SYBU: variants seen among roughly 807,000 people sequenced by gnomAD.
SYBU encodes the protein GOLSYN A protein.
Under a neutral mutation model 35.9 loss-of-function variants are expected in SYBU, and 21 were observed. The observed-to-expected ratio is 0.58, with a 90% confidence interval of 0.41 to 0.84. The LOEUF is 0.84. Among genes scored for constraint, SYBU ranks in the 40% least tolerant of loss-of-function variants. The pLI, the probability that SYBU is intolerant of heterozygous loss-of-function variation, is 0.00. For synonymous variants in SYBU, 319 were observed against 324.3 expected (o/e 0.98, Z 0.18); for missense variants, 768 against 848.2 (o/e 0.91, Z 1.17).
Position 109,574,812 on chromosome 8 carries a change from A to G in SYBU, c.*94T>C. On this transcript the variant is annotated 3_prime_UTR_variant, in exon 7 of 7. Coordinates refer to ENST00000276646, the MANE Select transcript of SYBU (RefSeq NM_001099754.2). ...ATCAAATACCAAGGAGCAAAACGAC[A>G]GAATAGAGACTGTCACAGATGATTG... The G allele has an allele frequency of 7.3e-7, 1 of 1,368,742 alleles. No individual in the cohort carries two copies. Among genetic ancestry groups the G allele is most frequent in the Non-Finnish European group, 9.8e-7 (1 of 1,017,906 alleles). 84.8% of individuals were successfully genotyped at this position (1,368,742 alleles called of 1,614,324 possible).
intron 3 of SYBU, among the ~76,000 whole-genome samples, chr8:109,612,396 C>T (rs556140757): frequency 9.9e-5 from 15 of 152,166 alleles, no homozygotes; most frequent in African/African-American, 3.1e-4. Context: ...ATTTGAGGCT[C>T]GGGTTTGCTG....
At chr8:109,687,121 CT>C (rs1563781752) in intron 1 of SYBU, among the ~76,000 whole-genome samples, 1 of 152,082 alleles carries the variant, frequency 6.6e-6, no homozygotes, top group Non-Finnish European at 1.5e-5. Flanking sequence ...TAATTTTGAA[CT>C]ATGGCTTACC....
chr8:109,683,489 C>T (rs1429965683), upstream of SYBU, among the ~76,000 whole-genome samples: 1 of 152,202 alleles, frequency 6.6e-6, no homozygotes, highest in African/African-American at 2.4e-5. Context: ...AATGCCTGTA[C>T]CCCCATTGTA....
At chr8:109,679,805 T>G (rs1015744360) in intron 1 of SYBU, among the ~76,000 whole-genome samples, 2 of 152,188 alleles carry the variant, frequency 1.3e-5, no homozygotes, top group Non-Finnish European at 2.9e-5. Flanking sequence ...CCAACAACCT[T>G]TCCCCTCTTG....
chr8:109,640,991 A>T (rs563952193), intron 2 of SYBU, among the ~76,000 whole-genome samples: 2 of 152,308 alleles, frequency 1.3e-5, no homozygotes, highest in South Asian at 2.1e-4. Context: ...CTGCTAAATT[A>T]GAGCATTAAT....
chr8:109,678,399 T>C lies in SYBU; in HGVS notation c.-129+2312A>G, dbSNP rs1278224455. ...GATAATGTACTACTTGATATTGCTG[T>C]CTGGGGGTGGGGTGGAAGAGCAGTT... is the stretch of plus-strand genomic sequence containing the variant. On this transcript the variant is annotated intron_variant, in intron 1 of 5. Coordinates refer to the SYBU transcript ENST00000408889. Among the ~76,000 whole-genome samples the C allele has an allele frequency of 4.6e-5, 7 of 150,898 alleles. No homozygotes were observed. In the South Asian group the frequency reaches 1.3e-3, roughly 27 times the overall value.
intron 2 of SYBU, among the ~76,000 whole-genome samples, chr8:109,633,608 T>C (rs556063870): frequency 5.1e-4 from 77 of 152,302 alleles, no homozygotes; most frequent in Non-Finnish European, 9.3e-4. Flanking sequence ...TCTGCTCTAG[T>C]CAGTGGGAAG....
chr8:109,596,870 A>C (rs938514875), intron 3 of SYBU, among the ~76,000 whole-genome samples: 1 of 152,212 alleles, frequency 6.6e-6, no homozygotes, highest in Non-Finnish European at 1.5e-5. Flanking sequence ...ACTCTTAATA[A>C]TGTATTCCAT....
intron 1 of SYBU, among the ~76,000 whole-genome samples, chr8:109,674,274 G>A (rs1183621497): frequency 2.6e-5 from 4 of 151,170 alleles, no homozygotes; most frequent in Non-Finnish European, 4.4e-5. Flanking sequence ...AATTTTAAGG[G>A]CAGCCCAAGA....
chr8:109,642,698 G>C, intron 2 of SYBU, 30 bp downstream of exon 2: 1 of 1,509,082 alleles, frequency 6.6e-7, no homozygotes, highest in South Asian at 1.3e-5. Context: ...CACGCTTCAC[G>C]CCTCTGGTGG....
chr8:109,577,990 A>G lies in SYBU; in HGVS notation c.762T>C (p.Gly254=). The change falls in exon 6 of 7, where the codon GGT becomes GGC. Residue 254 remains glycine (G), a synonymous_variant. Coordinates refer to ENST00000276646, the MANE Select transcript of SYBU (RefSeq NM_001099754.2). The part of the protein sequence containing the change: ...MRRSGRYMSC[G]ENHGVRPPNP... ...TTGGGGGTCTGACACCATGATTTTC[A>G]CCGCAAGACATGTACCTTCCAGAAC... The G allele has an allele frequency of 1.2e-6, 2 of 1,613,522 alleles. No individual in the cohort carries two copies. Among genetic ancestry groups the G allele is most frequent in the Non-Finnish European group, 1.7e-6 (2 of 1,179,784 alleles).
intron 1 of SYBU, among the ~76,000 whole-genome samples, chr8:109,671,341 G>A (rs867103435): frequency 1.5e-4 from 23 of 152,094 alleles, no homozygotes; most frequent in African/African-American, 4.8e-4. Flanking sequence ...TGCCATTAGA[G>A]ATAGAAGGAG....
At chr8:109,663,555 T>C (rs927616068) in intron 1 of SYBU, among the ~76,000 whole-genome samples, 9 of 152,178 alleles carry the variant, frequency 5.9e-5, no homozygotes, top group African/African-American at 2.2e-4. Flanking sequence ...AAATAAATCA[T>C]AGTTAACATA....
intron 2 of SYBU, among the ~76,000 whole-genome samples, chr8:109,619,698 G>A (rs1812217876): frequency 6.6e-6 from 1 of 152,190 alleles, no homozygotes; most frequent in Admixed American, 6.5e-5. Context: ...TCTTTAGGGT[G>A]AACTCTTCAG....
At chr8:109,664,809 G>A (rs957496213) in intron 1 of SYBU, among the ~76,000 whole-genome samples, 3 of 152,130 alleles carry the variant, frequency 2.0e-5, no homozygotes, top group African/African-American at 7.2e-5. Flanking sequence ...ACCTGCTAGG[G>A]AAGTAGAAGG....
At chr8:109,689,419 C>T (rs1348015824) in intron 1 of SYBU, among the ~76,000 whole-genome samples, 1 of 152,172 alleles carries the variant, frequency 6.6e-6, no homozygotes, top group South Asian at 2.1e-4. Context: ...GCACCCTGGG[C>T]TCAAGCAATC....
chr8:109,686,397 T>C (rs1817520148), intron 1 of SYBU, among the ~76,000 whole-genome samples: 1 of 152,196 alleles, frequency 6.6e-6, no homozygotes. Context: ...CCTTCTCTCT[T>C]GTGGAAAAAC....
chr8:109,677,548 C>T (rs999798596), intron 1 of SYBU, among the ~76,000 whole-genome samples: 1 of 152,168 alleles, frequency 6.6e-6, no homozygotes, highest in African/African-American at 2.4e-5. Flanking sequence ...TTTCTCTACT[C>T]ATTGCCTTAA....
chr8:109,583,024 G>C (rs1222400263), intron 4 of SYBU, among the ~76,000 whole-genome samples: 2 of 152,064 alleles, frequency 1.3e-5, no homozygotes, highest in Admixed American at 1.3e-4. Context: ...CCAGTCTATG[G>C]TACTGGGTTA....
Sources: gnomAD v4.1 joint callset for allele counts (sites outside exome capture counted in the v4.1 genomes callset) on GRCh38, gnomAD v4.1.1 for gene constraint, MANE v1.5 for transcripts, NCBI Gene and HGNC (gene_info 2026-07-23, HGNC 2026-07-21) for gene names.